ANK3: variants seen among roughly 807,000 people sequenced by gnomAD.
The protein encoded by ANK3 is ankyrin 3.
A neutral mutation model predicts 370.9 loss-of-function variants in ANK3; 57 were observed. The ratio of observed to expected loss-of-function variants is 0.15; its 90% CI spans 0.12 to 0.19. The LOEUF (loss-of-function observed/expected upper bound fraction) is 0.19. ANK3 is among the 10% of genes least tolerant of loss of function. ANK3 has a pLI of 1.00. For missense variants in ANK3, 4,439 were observed against 5,302.1 expected (o/e 0.84, Z 5.06); for synonymous variants, 1,929 against 1,946.3 (o/e 0.99, Z 0.23).
At chr10:60,596,326 T>A (rs930439005) in intron 2 of ANK3, among the ~76,000 whole-genome samples, 2 of 152,020 alleles carry the variant, frequency 1.3e-5, no homozygotes, top group African/African-American at 4.8e-5. Context: ...AATAATGAAA[T>A]CACCAACACT....
rs188916312 is a variant in ANK3 at position 60,344,777 on chromosome 10, T to C, written c.114+44648A>G. ...ATCAGTGGGAGGTACTTCACTTATT[T>C]TGTAGCCACAATAGAATCCACAGAT... On this transcript the variant is annotated intron_variant, in intron 1 of 43. Coordinates refer to ENST00000280772, the MANE Select transcript of ANK3 (RefSeq NM_020987.5). Among the ~76,000 whole-genome samples, 792 of 152,336 alleles carry C rather than the reference T, an allele frequency of 5.2e-3. 6 individuals carry two copies. Among genetic ancestry groups the C allele is most frequent in the African/African-American group, 0.018 (766 of 41,576 alleles).
Position 60,074,521 on chromosome 10 carries a change from T to C in ANK3, c.6360A>G (p.Gln2120=). The C allele has an allele frequency of 6.2e-7, 1 of 1,613,728 alleles. No homozygotes were observed. Among genetic ancestry groups the C allele is most frequent in the Non-Finnish European group, 8.5e-7 (1 of 1,179,914 alleles). ...ESPDDFSQHD[Q]DKSPLSDSGF... ...CACTGTCAGACAAGGGACTTTTATC[T>C]TGGTCGTGTTGAGAAAAGTCATCAG... Residue 2120 remains glutamine (Q), a synonymous_variant, in exon 37 of 44, where the codon CAA becomes CAG. Coordinates refer to ENST00000280772, the MANE Select transcript of ANK3 (RefSeq NM_020987.5).
chr10:60,445,039 C>T (rs555539534), intron 2 of ANK3, among the ~76,000 whole-genome samples: 85 of 152,130 alleles, frequency 5.6e-4, no homozygotes, highest in African/African-American at 1.3e-3. Context: ...CTTTAATAAA[C>T]GATTTTGGAG....
intron 1 of ANK3, among the ~76,000 whole-genome samples, chr10:60,359,342 C>A (rs547886421): frequency 3.9e-5 from 6 of 152,286 alleles, no homozygotes; most frequent in African/African-American, 1.4e-4. Context: ...AAAGCATATG[C>A]CTCACACCTT....
chr10:60,417,263 G>T (rs926045954), intron 2 of ANK3, among the ~76,000 whole-genome samples: 1 of 152,192 alleles, frequency 6.6e-6, no homozygotes, highest in South Asian at 2.1e-4. Context: ...GAGTAAAAAT[G>T]AATCATTAGG....
chr10:60,665,094 T>C (rs572631408), intron 1 of ANK3, among the ~76,000 whole-genome samples: 39 of 152,256 alleles, frequency 2.6e-4, no homozygotes, highest in Non-Finnish European at 5.0e-4. Context: ...CCCCATTGGG[T>C]ACTCAGATTA....
chr10:60,077,195 A>G (rs2084033450), intron 36 of ANK3, among the ~76,000 whole-genome samples: 1 of 152,202 alleles, frequency 6.6e-6, no homozygotes, highest in African/African-American at 2.4e-5. Context: ...AGAATTTTAA[A>G]CAAAAAAAAC....
chr10:60,124,395 C>T (rs1165213173), intron 25 of ANK3, among the ~76,000 whole-genome samples: 8 of 151,976 alleles, frequency 5.3e-5, no homozygotes, highest in South Asian at 4.2e-4. Flanking sequence ...AGGCAGGTCT[C>T]GAACTCCTGG....
chr10:60,617,094 T>C (rs2078277611), intron 1 of ANK3, among the ~76,000 whole-genome samples: 1 of 152,272 alleles, frequency 6.6e-6, no homozygotes, highest in East Asian at 1.9e-4. Context: ...AATATTTTCA[T>C]TTGCTTTCCC....
intron 1 of ANK3, among the ~76,000 whole-genome samples, chr10:60,360,187 G>T (rs1057422732): frequency 6.6e-6 from 1 of 152,176 alleles, no homozygotes; most frequent in African/African-American, 2.4e-5. Flanking sequence ...GGCAGAGTGA[G>T]AGACAACTGC....
At chr10:60,215,709 T>A (rs1019203032) in intron 8 of ANK3, among the ~76,000 whole-genome samples, 2 of 152,168 alleles carry the variant, frequency 1.3e-5, no homozygotes, top group Non-Finnish European at 2.9e-5. Flanking sequence ...GGTCTATATG[T>A]CTGTTTTGGT....
chr10:60,694,179 C>A lies in ANK3; in HGVS notation c.57+39084G>T, dbSNP rs188923671. Among the ~76,000 whole-genome samples the A allele has an allele frequency of 3.0e-3, 452 of 151,994 alleles. 2 individuals are homozygous for A. Among genetic ancestry groups the A allele is most frequent in the African/African-American group, 0.011 (436 of 41,448 alleles). On this transcript the variant is annotated intron_variant, in intron 1 of 43. Transcript: ENST00000373827. ...GGAAGATGAAATGAATGAAATGAAGCGAGAAGGGAAGTTTAGAGAAAAAAC... is the reference window on the plus strand; with the variant it reads ...GGAAGATGAAATGAATGAAATGAAGAGAGAAGGGAAGTTTAGAGAAAAAAC...
chr10:60,702,775 G>T (rs2079561799), intron 1 of ANK3, among the ~76,000 whole-genome samples: 1 of 152,128 alleles, frequency 6.6e-6, no homozygotes, highest in African/African-American at 2.4e-5. Flanking sequence ...AAACTTTTGT[G>T]GATCTGTGAA....
At chr10:60,611,068 T>C (rs1733002343) in intron 2 of ANK3, among the ~76,000 whole-genome samples, 1 of 152,220 alleles carries the variant, frequency 6.6e-6, no homozygotes, top group Admixed American at 6.5e-5. Context: ...TTATATACTT[T>C]TATAACTATT....
intron 2 of ANK3, among the ~76,000 whole-genome samples, chr10:60,527,081 G>A (rs974259111): frequency 8.6e-5 from 13 of 151,950 alleles, no homozygotes; most frequent in South Asian, 2.1e-4. Flanking sequence ...TTTCCATAGC[G>A]TGCTAGATGG....
intron 2 of ANK3, among the ~76,000 whole-genome samples, chr10:60,584,637 A>T (rs1019043617): frequency 6.6e-6 from 1 of 152,106 alleles, no homozygotes; most frequent in Admixed American, 6.6e-5. Context: ...CAACAACAAC[A>T]ACAAAAATGA....
chr10:60,416,963 A>T (rs1358342582), intron 2 of ANK3, among the ~76,000 whole-genome samples: 1 of 152,194 alleles, frequency 6.6e-6, no homozygotes, highest in Admixed American at 6.5e-5. Context: ...AATTGTACCA[A>T]GAATAAACTG....
chr10:60,644,281 C>T (rs34888977), intron 1 of ANK3, among the ~76,000 whole-genome samples: 22,613 of 151,990 alleles, frequency 0.15, 2,099 homozygotes, highest in South Asian at 0.27. Context: ...AGCATCTGCC[C>T]AAACCAATAA....
chr10:60,028,991 G>T lies in ANK3; in HGVS notation c.*855C>A, dbSNP rs2072695339. ...CTGTAGTGTTTGCAAAATTGGAAAA[G>T]ATTTAATCAAAATAAGGTGATACAC... On this transcript the variant is annotated 3_prime_UTR_variant, in exon 44 of 44. Coordinates refer to ENST00000280772, the MANE Select transcript of ANK3 (RefSeq NM_020987.5). 6.6e-6 allele frequency: 1 copy of T among 152,432 alleles called. No homozygotes were observed. Among genetic ancestry groups the T allele is most frequent in the South Asian group, 2.1e-4 (1 of 4,822 alleles). The allele number at this position is 152,432 out of a possible 1,614,324, so 9.4% of individuals were successfully genotyped here.
Sources: allele counts gnomAD v4.1 joint callset (sites outside exome capture counted in the v4.1 genomes callset), GRCh38; gene constraint gnomAD v4.1.1; transcripts MANE v1.5; gene names NCBI Gene and HGNC (gene_info 2026-07-23, HGNC 2026-07-21).